Variants in RNPEP observed in about 807,000 individuals in gnomAD.
RNPEP encodes aminopeptidase B.
A neutral mutation model predicts 70.1 loss-of-function variants in RNPEP; 57 were observed. The observed-to-expected ratio is 0.81, with a 90% CI of 0.66 to 1.01. The LOEUF (loss-of-function observed/expected upper bound fraction) is 1.01. Among genes scored for constraint, RNPEP ranks in the 50% least tolerant of loss-of-function variants. RNPEP has a pLI of 0.00. For synonymous variants in RNPEP, 335 were observed against 357.4 expected, an observed-to-expected ratio of 0.94 and a Z score of 0.71; for missense variants, 787 against 852.4, an observed-to-expected ratio of 0.92 and a Z score of 0.96.
chr1:202,004,326 C>T, intron 9 of RNPEP, 28 bp from the exon 10 acceptor site: 1 of 1,613,228 alleles, frequency 6.2e-7, no homozygotes, highest in Non-Finnish European at 8.5e-7. Context: ...CCGTGACCAG[C>T]CACAAACCAT....
chr1:202,004,588 C>A, intron 10 of RNPEP, 92 bp downstream of exon 10: 1 of 1,482,068 alleles, frequency 6.7e-7, no homozygotes, highest in Non-Finnish European at 9.2e-7. Context: ...TCATCTAGGA[C>A]TCATCTGAGG....
At chr1:202,001,832 C>T (rs960116234) in intron 8 of RNPEP, 65 bp downstream of exon 8, 46 of 1,069,512 alleles carry the variant, frequency 4.3e-5, no homozygotes, top group East Asian at 7.1e-5. Context: ...CATTGACACT[C>T]GGAAAGATGG....
rs139066886 is a variant in RNPEP, at chr1:202,005,607, G to C, written c.1844G>C (p.Ser615Thr). ...LPLYHAMMGG[S>T]EVAQTLAKET... is the part of the protein sequence containing the mutation. ...CTGTACCACGCAATGATGGGTGGCA[G>C]TGAGGTGGCCCAGACCCTCGCCAAG... The change falls in exon 11 of 11, where the codon AGT becomes ACT. Residue 615 changes from serine to threonine, a missense_variant. Coordinates refer to ENST00000295640, the MANE Select transcript of RNPEP (RefSeq NM_020216.4). 6.2e-7 allele frequency: 1 copy of C among 1,614,224 alleles called. No homozygotes were observed. The highest frequency in any genetic ancestry group is 1.7e-5 in the Admixed American group (1 of 60,034).
Position 202,001,569 on chromosome 1 carries a change from A to T in RNPEP, c.1317+81A>T. 2.8e-6 allele frequency: 4 copies of T among 1,435,430 alleles called. No individual in the cohort carries two copies. In the South Asian group the frequency reaches 4.6e-5, roughly 16 times the overall value. The allele number at this position is 1,435,430 out of a possible 1,614,324, so 88.9% of individuals were successfully genotyped here. A position where few individuals can be genotyped will look rare whatever the true frequency, so the allele number is the denominator to read the frequency against. On this transcript the variant is annotated intron_variant, in intron 7 of 10. Coordinates refer to ENST00000295640, the MANE Select transcript of RNPEP (RefSeq NM_020216.4). ...CAAGGGTAGAGGCAGGGGGCGAAAG[A>T]TGTAAGGGGTTGGAGGAGGACCCAG...
intron 8 of RNPEP, among the ~76,000 whole-genome samples, chr1:202,002,325 G>A (rs181114188): frequency 1.3e-3 from 204 of 152,132 alleles, no homozygotes; most frequent in African/African-American, 3.8e-3. Flanking sequence ...CACCACGCCC[G>A]GCTATTTTGT....
rs533640672 is a variant in RNPEP, at chr1:201,997,523, C to T, written c.1059C>T (p.Tyr353=). The change falls in exon 5 of 11, where the codon TAC becomes TAT. Residue 353 remains tyrosine, a synonymous_variant. Coordinates refer to ENST00000295640, the MANE Select transcript of RNPEP (RefSeq NM_020216.4). ...EFWLNEGFTM[Y]AQRRISTILF... ...GGCTCAATGAAGGTTTCACCATGTA[C>T]GCCCAGAGGAGGATCTCCACCATCC... is the stretch of plus-strand genomic sequence containing the variant. 3.5e-5 allele frequency: 57 copies of T among 1,613,974 alleles called. No individual in the cohort carries two copies. Among genetic ancestry groups the T allele is most frequent in the South Asian group, 1.4e-4 (13 of 91,074 alleles).
In RNPEP at chr1:202,005,949, A is replaced by G. The variant is rs760347348; in HGVS notation, c.*233A>G. On this transcript the variant is annotated 3_prime_UTR_variant, in exon 11 of 11. Transcript: ENST00000295640. ...ACCTGCCCACAGCTCTCCCCGCTAC[A>G]GGCTGCAGGCACTGCAGGGCAGCGG... 7.3e-5 allele frequency: 39 copies of G among 534,698 alleles called. No homozygotes were observed. The highest frequency in any genetic ancestry group is 1.3e-4 in the Non-Finnish European group (38 of 299,752). 33.1% of individuals were successfully genotyped at this position (534,698 alleles called of 1,614,324 possible).
rs1412994802 is a variant in RNPEP at position 201,996,039 on chromosome 1, T to A, written c.738-108T>A. The A allele has an allele frequency of 1.0e-5, 8 of 783,106 alleles. 2 individuals are homozygous for A. The highest frequency in any genetic ancestry group is 9.9e-5 in the South Asian group (6 of 60,858). The allele number at this position is 783,106 out of a possible 1,614,324, so 48.5% of individuals were successfully genotyped here. ...CACTCCGTCACTGTGGCTGACTGCA[T>A]TGTCACATTCACTTGGCGGAGGCCA... On this transcript the variant is annotated intron_variant, in intron 3 of 10. Coordinates refer to ENST00000295640, the MANE Select transcript of RNPEP (RefSeq NM_020216.4).
chr1:201,996,321 C>A, intron 4 of RNPEP, 58 bp downstream of exon 4: 2 of 1,225,378 alleles, frequency 1.6e-6, no homozygotes, highest in Non-Finnish European at 1.2e-6. Context: ...GGCTTCCATT[C>A]TTCCTCTTCG....
intron 3 of RNPEP, among the ~76,000 whole-genome samples, chr1:201,994,000 C>G (rs1331219930): frequency 6.6e-6 from 1 of 151,870 alleles, no homozygotes; most frequent in Non-Finnish European, 1.5e-5. Context: ...GGCCATTCGC[C>G]TCAATACGGA....
intron 5 of RNPEP, among the ~76,000 whole-genome samples, chr1:201,998,138 A>G (rs1010071604): frequency 7.3e-5 from 11 of 151,456 alleles, no homozygotes; most frequent in African/African-American, 2.2e-4. Flanking sequence ...CCATTGAAAT[A>G]TGTTGACAAA....
rs373913745 is a variant in RNPEP at position 201,997,830 on chromosome 1, C to T, written c.1090+276C>T. On this transcript the variant is annotated intron_variant, in intron 5 of 10. Transcript: ENST00000295640. ...CCAGGCTGGAGTGCAATGGCACGAT[C>T]TCGGCTCACTGCAACCTCCACCTCC... Among the ~76,000 whole-genome samples the T allele has an allele frequency of 2.1e-3, 314 of 149,988 alleles. 5 individuals are homozygous for T. In the South Asian group the frequency reaches 0.036, roughly 17 times the overall value.
chr1:202,001,333 A>C (rs374418069), intron 6 of RNPEP, 43 bp from the exon 7 acceptor site: 11 of 1,339,180 alleles, frequency 8.2e-6, no homozygotes, highest in Middle Eastern at 1.8e-4. Flanking sequence ...TACGGGTGAC[A>C]GGCTACAAAA....
chr1:201,999,763 G>A (rs1174288873), intron 5 of RNPEP, 139 bp from the exon 6 acceptor site: 2 of 645,248 alleles, frequency 3.1e-6, no homozygotes, highest in Middle Eastern at 4.3e-4. Context: ...TCCCCAGGAG[G>A]GTAATGTTAT....
intron 7 of RNPEP, 36 bp from the exon 8 acceptor site, chr1:202,001,623 G>T: frequency 6.5e-7 from 1 of 1,531,860 alleles, no homozygotes; most frequent in East Asian, 2.2e-5. Context: ...TCCCCACGGG[G>T]CCAGAGAGGG....
At position 201,983,069 on chromosome 1, in the gene RNPEP, C is replaced by T. The variant is rs570456900; in HGVS notation, c.403C>T (p.Arg135Cys). ...CCCGCAGCCCTGCCGCGCCGCCGAG[C>T]GCCTCCAGGTGCTGCTCACCTACCG... ...SFPQPCRAAE[R>C]LQVLLTYRVG... The change falls in exon 1 of 11, where the codon CGC (arginine) becomes TGC (cysteine). Residue 135 changes from arginine (R) to cysteine (C), a missense_variant. Physicochemically the swap from Arg to Cys is radical, Grantham distance 180. Transcript: ENST00000295640. 3 of 1,525,920 alleles carry T rather than the reference C, an allele frequency of 2.0e-6. No homozygotes were observed. Among genetic ancestry groups the T allele is most frequent in the South Asian group, 1.2e-5 (1 of 81,530 alleles). The allele number at this position is 1,525,920 out of a possible 1,614,324, so 94.5% of individuals were successfully genotyped here.
intron 4 of RNPEP, 126 bp downstream of exon 4, chr1:201,996,389 G>GGA (rs1310030164): frequency 2.8e-6 from 2 of 725,020 alleles, no homozygotes; most frequent in Admixed American, 4.0e-5. Context: ...CAGAAGTGAA[G>GGA]GAGAGGAGGA....
intron 3 of RNPEP, among the ~76,000 whole-genome samples, chr1:201,993,267 A>C (rs1683410331): frequency 6.6e-6 from 1 of 152,090 alleles, no homozygotes. Context: ...CCCTCTAGAC[A>C]AGCACCAGTT....
rs758767417 is a variant in RNPEP at position 201,983,002 on chromosome 1, G to T, written c.336G>T (p.Thr112=). The T allele has an allele frequency of 1.3e-6, 2 of 1,522,130 alleles. No individual in the cohort carries two copies. Among genetic ancestry groups the T allele is most frequent in the South Asian group, 1.2e-5 (1 of 81,584 alleles). The allele number at this position is 1,522,130 out of a possible 1,614,324, so 94.3% of individuals were successfully genotyped here. Residue 112 remains threonine, a synonymous_variant, in exon 1 of 11, where the codon ACG becomes ACT. Transcript: ENST00000295640. ...EPPAEPVSFY[T]QPFSHYGQAL... is the part of the protein sequence containing the mutation. ...CTGCGGAGCCCGTGAGCTTCTACAC[G>T]CAGCCCTTCTCGCACTATGGCCAGG...
Sources: allele counts gnomAD v4.1 joint callset (sites outside exome capture counted in the v4.1 genomes callset), GRCh38; gene constraint gnomAD v4.1.1; transcripts MANE v1.5; gene names NCBI Gene and HGNC (gene_info 2026-07-23, HGNC 2026-07-21).